Variants in SYBU observed in about 807,000 individuals in gnomAD.
SYBU encodes the protein syntabulin.
A neutral mutation model predicts 35.9 loss-of-function variants in SYBU; 21 were observed. The observed-to-expected ratio is 0.58, with a 90% CI of 0.41 to 0.84. SYBU has a LOEUF of 0.84. Ranked by LOEUF, SYBU falls within the 40% of genes least tolerant of loss-of-function variation. The pLI is 0.00. For synonymous variants in SYBU, 319 were observed against 324.3 expected, an observed-to-expected ratio of 0.98 and a Z score of 0.18; for missense variants, 768 against 848.2, an observed-to-expected ratio of 0.91 and a Z score of 1.17.
intron 2 of SYBU, among the ~76,000 whole-genome samples, chr8:109,639,816 C>G: frequency 6.6e-6 from 1 of 152,210 alleles, no homozygotes; most frequent in East Asian, 1.9e-4. Context: ...CTCTATCTCA[C>G]TGCCTCCAGC....
chr8:109,578,601 T>C (rs960567094), intron 5 of SYBU, among the ~76,000 whole-genome samples: 1 of 152,216 alleles, frequency 6.6e-6, no homozygotes. Context: ...GGTGTATTTA[T>C]GGAGAGAATA....
At chr8:109,647,178 C>A (rs150851433), upstream of SYBU, 1 of 152,192 alleles carries the variant, frequency 6.6e-6, no homozygotes, top group Non-Finnish European at 1.5e-5. Flanking sequence ...CCTCTCCGAT[C>A]TCATTTCTTG....
At chr8:109,639,904 C>A (rs1814669059) in intron 2 of SYBU, among the ~76,000 whole-genome samples, 1 of 152,156 alleles carries the variant, frequency 6.6e-6, no homozygotes, top group African/African-American at 2.4e-5. Flanking sequence ...TAACATGCCC[C>A]CAAAGGCCTT....
At chr8:109,594,961 T>C (rs796457836) in intron 3 of SYBU, among the ~76,000 whole-genome samples, 17 of 152,288 alleles carry the variant, frequency 1.1e-4, no homozygotes, top group African/African-American at 3.9e-4. Flanking sequence ...TGAGCTTCAT[T>C]TTTTTCTATG....
intron 1 of SYBU, among the ~76,000 whole-genome samples, chr8:109,690,522 C>T (rs775564881): frequency 6.6e-6 from 1 of 152,172 alleles, no homozygotes; most frequent in African/African-American, 2.4e-5. Flanking sequence ...GGCCAGAGGA[C>T]GCAAGAGGAA....
At chr8:109,605,261 C>T (rs1346489551) in intron 3 of SYBU, among the ~76,000 whole-genome samples, 1 of 152,168 alleles carries the variant, frequency 6.6e-6, no homozygotes, top group Non-Finnish European at 1.5e-5. Flanking sequence ...AAGTAAAAGT[C>T]ACCATGCTAG....
chr8:109,595,724 G>C (rs1158877311), intron 3 of SYBU, among the ~76,000 whole-genome samples: 1 of 152,146 alleles, frequency 6.6e-6, no homozygotes, highest in Non-Finnish European at 1.5e-5. Context: ...ACAGTGTGAA[G>C]GGAACAGCAC....
At chr8:109,688,043 C>T (rs570541672) in intron 1 of SYBU, among the ~76,000 whole-genome samples, 32 of 152,226 alleles carry the variant, frequency 2.1e-4, no homozygotes, top group Non-Finnish European at 3.4e-4. Flanking sequence ...GGAGCACCTC[C>T]CAAGGTTGTG....
chr8:109,644,470 C>T (rs1210592311), intron 1 of SYBU, among the ~76,000 whole-genome samples, 166 bp downstream of exon 1: 1 of 152,104 alleles, frequency 6.6e-6, no homozygotes, highest in African/African-American at 2.4e-5. Flanking sequence ...TCCTGGATCT[C>T]AACTCCTAAG....
chr8:109,664,242 C>T (rs1816677121), intron 1 of SYBU, among the ~76,000 whole-genome samples: 1 of 152,120 alleles, frequency 6.6e-6, no homozygotes, highest in South Asian at 2.1e-4. Context: ...AGTCCCGTAA[C>T]ATGCTTGGAG....
intron 3 of SYBU, among the ~76,000 whole-genome samples, chr8:109,587,704 C>T (rs1378085789): frequency 6.6e-6 from 1 of 152,144 alleles, no homozygotes; most frequent in Non-Finnish European, 1.5e-5. Flanking sequence ...TCCCTGGTTT[C>T]CAGGAGCTCT....
chr8:109,688,142 T>A (rs1309173989), intron 1 of SYBU, among the ~76,000 whole-genome samples: 1 of 152,178 alleles, frequency 6.6e-6, no homozygotes, highest in African/African-American at 2.4e-5. Context: ...ATAATATATA[T>A]TTATTTGTAC....
upstream of SYBU, among the ~76,000 whole-genome samples, chr8:109,648,514 G>A (rs1815948006): frequency 6.6e-6 from 1 of 151,808 alleles, no homozygotes; most frequent in African/African-American, 2.4e-5. Context: ...GGTACATGTG[G>A]CCAATCTCTG....
Position 109,583,266 on chromosome 8 carries a change from T to A in SYBU, c.530+2794A>T, listed in dbSNP as rs1823242567. On this transcript the variant is annotated intron_variant, in intron 4 of 6. Coordinates refer to ENST00000276646, the MANE Select transcript of SYBU (RefSeq NM_001099754.2). Reference sequence around the variant, plus strand: ...GGTAAGATGCTATTATTATCCCATATCCCAAAACAGGAGACTGAGGCTTGG... The same window carrying A: ...GGTAAGATGCTATTATTATCCCATAACCCAAAACAGGAGACTGAGGCTTGG... Among the ~76,000 whole-genome samples the A allele has an allele frequency of 2.0e-5, 3 of 152,156 alleles. No homozygotes were observed. In the South Asian group the frequency reaches 6.2e-4, roughly 31 times the overall value.
intron 2 of SYBU, among the ~76,000 whole-genome samples, chr8:109,626,146 C>A (rs1341428791): frequency 1.3e-5 from 2 of 152,168 alleles, no homozygotes; most frequent in African/African-American, 4.8e-5. Flanking sequence ...TCTTACTGAT[C>A]TGTAAGAACT....
chr8:109,575,221 G>A lies in SYBU; in HGVS notation c.1677C>T (p.Thr559=). ...NSAILLSPVE[T]PYANVDAEVH... ...CTTCTGCATCCACATTGGCGTAGGG[G>A]GTCTCCACGGGAGACAAAAGGATGG... Residue 559 remains threonine, a synonymous_variant, in exon 7 of 7, where the codon ACC becomes ACT. Coordinates refer to ENST00000276646, the MANE Select transcript of SYBU (RefSeq NM_001099754.2). 6.2e-7 allele frequency: 1 copy of A among 1,614,156 alleles called. No individual in the cohort carries two copies. Among genetic ancestry groups the A allele is most frequent in the Non-Finnish European group, 8.5e-7 (1 of 1,179,998 alleles).
rs1822133866 is a variant in SYBU, at chr8:109,575,415, A to T, written c.1483T>A (p.Tyr495Asn). 20 of 1,614,082 alleles carry T rather than the reference A, an allele frequency of 1.2e-5. No individual in the cohort carries two copies. Among genetic ancestry groups the T allele is most frequent in the Non-Finnish European group, 1.6e-5 (19 of 1,180,020 alleles). Reference protein sequence around the residue: ...ERAVQTDVVPYSPAISELIQS... With the variant: ...ERAVQTDVVPNSPAISELIQS... The stretch of plus-strand genomic sequence containing the variant: ...ATGAGCTCTGAGATGGCTGGGCTGT[A>T]GGGCACCACGTCGGTCTGAACGGCT... Residue 495 changes from tyrosine (Y) to asparagine (N), a missense_variant, in exon 7 of 7, where the codon TAC (tyrosine) becomes AAC (asparagine). Coordinates refer to ENST00000276646, the MANE Select transcript of SYBU (RefSeq NM_001099754.2).
Position 109,642,776 on chromosome 8 carries a change from T to C in SYBU, c.181A>G (p.Ser61Gly). The change falls in exon 2 of 7, where the codon AGC becomes GGC. Residue 61 changes from serine (S) to glycine (G), a missense_variant. Physicochemically the swap from Ser to Gly is moderately conservative, Grantham distance 56. Transcript: ENST00000276646. ...EEESREFNPS[S>G]SGRSARTVSS... ...ACGGTCCTCGCTGAGCGCCCAGAGC[T>C]GCTGGGGTTGAACTCTCTGCTCTCT... The C allele has an allele frequency of 6.2e-7, 1 of 1,613,484 alleles. No homozygotes were observed. The highest frequency in any genetic ancestry group is 8.5e-7 in the Non-Finnish European group (1 of 1,179,716).
intron 2 of SYBU, among the ~76,000 whole-genome samples, chr8:109,637,570 A>G (rs1814365617): frequency 6.6e-6 from 1 of 152,136 alleles, no homozygotes; most frequent in Non-Finnish European, 1.5e-5. Context: ...GTGATACTAA[A>G]TTGATAGGGT....
Sources: gnomAD v4.1 joint callset for allele counts (sites outside exome capture counted in the v4.1 genomes callset) on GRCh38, gnomAD v4.1.1 for gene constraint, MANE v1.5 for transcripts, NCBI Gene and HGNC (gene_info 2026-07-23, HGNC 2026-07-21) for gene names.